Variants in RYR1 observed in about 807,000 individuals in gnomAD.
RYR1 encodes central core disease of muscle.
Under a neutral mutation model 583.5 loss-of-function variants are expected in RYR1, and 342 were observed. That is an observed-to-expected ratio of 0.59 (90% CI 0.54 to 0.64). The LOEUF is 0.64. RYR1 is among the 30% of genes least tolerant of loss of function. RYR1 has a pLI of 0.00. For synonymous variants in RYR1, 2,791 were observed against 2,822.5 expected (o/e 0.99, Z 0.35); for missense variants, 6,032 against 6,917.2 (o/e 0.87, Z 4.54).
chr19:38,446,337 A>C (rs1972938638), intron 7 of RYR1, 135 bp from the exon 8 acceptor site: 2 of 716,044 alleles, frequency 2.8e-6, no homozygotes, highest in Middle Eastern at 4.7e-4. Context: ...TGAAACTCAG[A>C]CCTCCAACTG....
rs944712668 is a variant in RYR1, at chr19:38,499,514, G to A, written c.7028-121G>A. On this transcript the variant is annotated intron_variant, in intron 43 of 105. Transcript: ENST00000359596. The surrounding 1 kb of genome is among the most constrained non-coding windows in gnomAD (Gnocchi z 7.3). ...CAGGGGCCTGGTGTTACCTCTGGAG[G>A]TGTTGGGTCCTGGAGCTGGATGGGA... 1 of 1,182,808 alleles carries A rather than the reference G, an allele frequency of 8.5e-7. No homozygotes were observed. The highest frequency in any genetic ancestry group is 1.2e-6 in the Non-Finnish European group (1 of 828,834). The allele number at this position is 1,182,808 out of a possible 1,614,324, so 73.3% of individuals were successfully genotyped here.
chr19:38,476,666 G>A (rs759529174), intron 29 of RYR1, among the ~76,000 whole-genome samples: 2 of 152,114 alleles, frequency 1.3e-5, no homozygotes, highest in Non-Finnish European at 2.9e-5. Context: ...ACCCTAGGTG[G>A]CTTGGATCCC....
chr19:38,502,657 C>T lies in RYR1; in HGVS notation c.7765C>T (p.Leu2589=), dbSNP rs754819451. The change falls in exon 48 of 106, where the codon CTG becomes TTG. Residue 2589 remains leucine (L), a synonymous_variant. Transcript: ENST00000359596. ...VDSMLHTVYR[L]SRGRSLTKAQ... is the part of the protein sequence containing the mutation. ...CTCTATGCTGCATACCGTGTACCGC[C>T]TGTCTCGGGGTCGTTCGCTCACCAA... 8.1e-6 allele frequency: 13 copies of T among 1,612,340 alleles called. No individual in the cohort carries two copies. The East Asian group carries it at 2.9e-4, about 36-fold the overall frequency.
intron 49 of RYR1, 90 bp downstream of exon 49, chr19:38,503,060 A>C (rs541989753): frequency 1.5e-6 from 2 of 1,295,494 alleles, no homozygotes; most frequent in African/African-American, 1.5e-5. Context: ...TTGTGTCGGC[A>C]CTGCCCAGCC....
intron 69 of RYR1, 119 bp downstream of exon 69, chr19:38,523,428 C>A: frequency 1.8e-6 from 2 of 1,124,666 alleles, no homozygotes; most frequent in African/African-American, 1.5e-5. Context: ...CTGCAGTCCT[C>A]AGAGCAGCCC....
At position 38,486,142 on chromosome 19, in the gene RYR1, C is replaced by A. The variant is rs145224633; in HGVS notation, c.5487C>A (p.Pro1829=). 1 of 1,613,178 alleles carries A rather than the reference C, an allele frequency of 6.2e-7. No individual in the cohort carries two copies. Among genetic ancestry groups the A allele is most frequent in the South Asian group, 1.1e-5 (1 of 91,070 alleles). The part of the protein sequence containing the change: ...VRDGGQHARD[P]VGGSVEFQFV... Reference sequence around the variant, plus strand: ...ACGGTGGGCAGCACGCTCGCGACCCCGTCGGGGGCTCCGTGGAGTTCCAGT... The same window carrying A: ...ACGGTGGGCAGCACGCTCGCGACCCAGTCGGGGGCTCCGTGGAGTTCCAGT... The change falls in exon 34 of 106, where the codon CCC becomes CCA. Residue 1829 remains proline (P), a synonymous_variant. Coordinates refer to ENST00000359596, the MANE Select transcript of RYR1 (RefSeq NM_000540.3).
chr19:38,472,323 A>G (rs1268502637), intron 27 of RYR1, among the ~76,000 whole-genome samples: 1 of 151,420 alleles, frequency 6.6e-6, no homozygotes, highest in Non-Finnish European at 1.5e-5. Flanking sequence ...CTGGTCTCAA[A>G]CTCCTGACCT....
intron 19 of RYR1, 26 bp from the exon 20 acceptor site, chr19:38,460,349 G>A: frequency 6.2e-7 from 1 of 1,604,910 alleles, no homozygotes; most frequent in Non-Finnish European, 8.5e-7. Flanking sequence ...TCCCCTCAAT[G>A]ATCCCCATTG....
Position 38,499,004 on chromosome 19 carries a change from C to T in RYR1, c.6892-104C>T. The T allele has an allele frequency of 1.3e-6, 2 of 1,485,628 alleles. No homozygotes were observed. The highest frequency in any genetic ancestry group is 1.8e-6 in the Non-Finnish European group (2 of 1,094,572). 92.0% of individuals were successfully genotyped at this position (1,485,628 alleles called of 1,614,324 possible). ...AATGGGCCGAGGGATCAGAGCTGAA[C>T]CGGACTGAGGAGCCGCAGGGCAGGG... is the stretch of plus-strand genomic sequence containing the variant. On this transcript the variant is annotated intron_variant, in intron 42 of 105. Coordinates refer to ENST00000359596, the MANE Select transcript of RYR1 (RefSeq NM_000540.3). The surrounding 1 kb of genome is among the most constrained non-coding windows in gnomAD (Gnocchi z 7.3).
chr19:38,556,842 C>T (rs1972898599), intron 89 of RYR1, among the ~76,000 whole-genome samples: 1 of 152,028 alleles, frequency 6.6e-6, no homozygotes, highest in Non-Finnish European at 1.5e-5. Context: ...TTCCTGTGTC[C>T]CCTGGGTTTC....
intron 34 of RYR1, among the ~76,000 whole-genome samples, chr19:38,486,982 C>T (rs1042657897): frequency 5.9e-5 from 9 of 152,190 alleles, no homozygotes; most frequent in African/African-American, 2.2e-4. Context: ...TTTGCCCATC[C>T]ATCTTTTCAT....
intron 67 of RYR1, among the ~76,000 whole-genome samples, chr19:38,519,844 A>C (rs1301884647): frequency 6.6e-6 from 1 of 151,724 alleles, no homozygotes; most frequent in African/African-American, 2.4e-5. Flanking sequence ...ACGCCCAGCT[A>C]AGTTTCGTAT....
Position 38,561,367 on chromosome 19 carries a change from C to T in RYR1, c.12537C>T (p.Arg4179=), listed in dbSNP as rs912638803. ...AGTACTTCCGCCCCTACCTGGGCCG[C>T]ATCGAGATCATGGGCGCGTCACGCC... is the stretch of plus-strand genomic sequence containing the variant. ...ILEYFRPYLG[R]IEIMGASRRI... Residue 4179 remains arginine, a synonymous_variant, in exon 90 of 106, where the codon CGC becomes CGT. Coordinates refer to ENST00000359596, the MANE Select transcript of RYR1 (RefSeq NM_000540.3). This position sits in a 1 kb window ranked among gnomAD's most constrained non-coding sequence, Gnocchi z 4.8. 6.2e-7 allele frequency: 1 copy of T among 1,613,822 alleles called. No individual in the cohort carries two copies. The highest frequency in any genetic ancestry group is 8.5e-7 in the Non-Finnish European group (1 of 1,180,012).
At position 38,528,945 on chromosome 19, in the gene RYR1, C is replaced by T; in HGVS notation, c.11035-6C>T. ...CCCTCTCCCCAAGTCTCCCCTCTCC[C>T]ACCAGAAAGCTGGGGAGCAGGAGGA... On this transcript the variant is annotated splice_region_variant and splice_polypyrimidine_tract_variant and intron_variant, in intron 75 of 105. Coordinates refer to ENST00000359596, the MANE Select transcript of RYR1 (RefSeq NM_000540.3). 2 of 1,605,776 alleles carry T rather than the reference C, an allele frequency of 1.2e-6. No homozygotes were observed. Among genetic ancestry groups the T allele is most frequent in the South Asian group, 1.1e-5 (1 of 89,704 alleles).
In RYR1 at chr19:38,528,709, C is replaced by T; in HGVS notation, c.11034+14C>T. 4 of 1,613,488 alleles carry T rather than the reference C, an allele frequency of 2.5e-6. No individual in the cohort carries two copies. Among genetic ancestry groups the T allele is most frequent in the Non-Finnish European group, 3.4e-6 (4 of 1,179,480 alleles). ...GATGACCTTTCAGTGAGCTGGGACC[C>T]GCCTGGGGGAGTGGGGGGCGAGCTG... On this transcript the variant is annotated intron_variant, in intron 75 of 105. Coordinates refer to ENST00000359596, the MANE Select transcript of RYR1 (RefSeq NM_000540.3).
At chr19:38,535,766 TA>T in intron 81 of RYR1, 1 of 616,516 alleles carries the variant, frequency 1.6e-6, no homozygotes, top group Admixed American at 2.6e-5. Context: ...CAGCTTTTGC[TA>T]AATGGGTGGT....
Position 38,502,523 on chromosome 19 carries a change from C to G in RYR1, c.7631C>G (p.Thr2544Ser), listed in dbSNP as rs146326299. The G allele has an allele frequency of 6.0e-5, 97 of 1,608,274 alleles. No individual in the cohort carries two copies. The highest frequency in any genetic ancestry group is 7.5e-5 in the Non-Finnish European group (89 of 1,179,612). The change falls in exon 48 of 106, where the codon ACC becomes AGC. Residue 2544 changes from threonine (T) to serine (S), a missense_variant. Transcript: ENST00000359596. ...GCGCCCTAGGCCACTTTCAGCACCA[C>G]CGAGATGGCGCTGGCGCTGAACCGC... is the stretch of plus-strand genomic sequence containing the variant. ...ASLDTATFST[T>S]EMALALNRYL...
intron 39 of RYR1, among the ~76,000 whole-genome samples, chr19:38,495,767 AT>A (rs898017669): frequency 3.9e-4 from 58 of 147,522 alleles, no homozygotes; most frequent in Non-Finnish European, 4.1e-4. Flanking sequence ...GGCTGTAGGA[AT>A]TTTTTTTTTT....
Position 38,448,720 on chromosome 19 carries a change from A to T in RYR1, c.1029A>T (p.Ser343=). The change falls in exon 11 of 106, where the codon TCA becomes TCT. Residue 343 remains serine (S), a synonymous_variant. Transcript: ENST00000359596. ...MGPPEIKYGE[S]LCFVQHVASG... is the part of the protein sequence containing the mutation. The stretch of plus-strand genomic sequence containing the variant: ...CCCCTGAGATCAAGTACGGGGAGTC[A>T]CTGTGCTTCGTGCAGCATGTGGCCT... 2 of 1,614,220 alleles carry T rather than the reference A, an allele frequency of 1.2e-6. No homozygotes were observed. The highest frequency in any genetic ancestry group is 1.7e-6 in the Non-Finnish European group (2 of 1,180,030).
Sources: gnomAD v4.1 joint callset for allele counts (sites outside exome capture counted in the v4.1 genomes callset) on GRCh38, gnomAD v4.1.1 for gene constraint, Gnocchi (gnomAD v3.1) non-coding constraint, MANE v1.5 for transcripts, NCBI Gene and HGNC (gene_info 2026-07-23, HGNC 2026-07-21) for gene names.